RANBP2: variants seen among roughly 807,000 people sequenced by gnomAD.
The protein encoded by RANBP2 is E3 SUMO-protein ligase RanBP2.
Under a neutral mutation model 303.6 loss-of-function variants are expected in RANBP2, and 57 were observed. That is an observed-to-expected ratio of 0.19 (90% confidence interval 0.15 to 0.23). The LOEUF is 0.23. Ranked by LOEUF, RANBP2 falls within the 10% of genes least tolerant of loss-of-function variation. The pLI, the probability that RANBP2 is intolerant of heterozygous loss-of-function variation, is 1.00. For synonymous variants in RANBP2, 1,167 were observed against 1,301.5 expected, an observed-to-expected ratio of 0.90 and a Z score of 2.23; for missense variants, 3,138 against 3,780.8, an observed-to-expected ratio of 0.83 and a Z score of 4.46.
At chr2:109,724,139 G>T in the RANBP2 span, among the ~76,000 whole-genome samples, 4 of 152,244 alleles carry the variant, frequency 2.6e-5, no homozygotes, top group African/African-American at 9.6e-5. Context: ...GTCTGTTTTT[G>T]TACCAGCACC....
the RANBP2 span, among the ~76,000 whole-genome samples, chr2:109,340,711 C>T: frequency 3.8e-4 from 58 of 152,234 alleles, no homozygotes; most frequent in Non-Finnish European, 7.2e-4. Flanking sequence ...AAGCTCTTTT[C>T]GTATCATCAG....
the RANBP2 span, among the ~76,000 whole-genome samples, chr2:109,020,308 C>T: frequency 2.6e-5 from 4 of 152,134 alleles, no homozygotes; most frequent in Admixed American, 6.5e-5. Context: ...GACAAGCCAC[C>T]ACAGGCACCT....
chr2:109,126,279 A>C, the RANBP2 span, among the ~76,000 whole-genome samples: 1 of 152,156 alleles, frequency 6.6e-6, no homozygotes, highest in Non-Finnish European at 1.5e-5. Flanking sequence ...GAGAGAGAAG[A>C]AAGCTGGGAA....
the RANBP2 span, among the ~76,000 whole-genome samples, chr2:108,971,895 A>G: frequency 6.6e-6 from 1 of 152,352 alleles, no homozygotes; most frequent in Non-Finnish European, 1.5e-5. Flanking sequence ...AGGTCACCAA[A>G]GGCACTGAGC....
the RANBP2 span, among the ~76,000 whole-genome samples, chr2:109,400,573 G>GCACACACACA: frequency 2.2e-4 from 32 of 144,402 alleles, no homozygotes; most frequent in Non-Finnish European, 3.1e-4. Context: ...ACACACCTGT[G>GCACACACACA]CGCACACACA....
At chr2:109,331,008 A>AATTTT in the RANBP2 span, among the ~76,000 whole-genome samples, 1 of 152,204 alleles carries the variant, frequency 6.6e-6, no homozygotes, top group South Asian at 2.1e-4. Context: ...TCCATATAAA[A>AATTTT]AGCCAGGTGT....
chr2:109,489,578 C>T, the RANBP2 span, among the ~76,000 whole-genome samples: 3 of 152,198 alleles, frequency 2.0e-5, no homozygotes, highest in East Asian at 1.9e-4. Context: ...GCCAGGGTCC[C>T]GTGACAGAGA....
At chr2:109,473,861 C>A in the RANBP2 span, among the ~76,000 whole-genome samples, 1 of 152,030 alleles carries the variant, frequency 6.6e-6, no homozygotes, top group Non-Finnish European at 1.5e-5. Flanking sequence ...GAACCGCTCT[C>A]CTTGTGCCCC....
At chr2:109,681,150 A>T in the RANBP2 span, among the ~76,000 whole-genome samples, 7 of 152,228 alleles carry the variant, frequency 4.6e-5, no homozygotes, top group Non-Finnish European at 8.8e-5. Context: ...ACACACGGTT[A>T]GGTGGGAGGA....
the RANBP2 span, among the ~76,000 whole-genome samples, chr2:109,192,734 G>A: frequency 6.6e-6 from 1 of 152,194 alleles, no homozygotes; most frequent in Non-Finnish European, 1.5e-5. Context: ...ACTTATTTCA[G>A]TCCCTGGGGC....
the RANBP2 span, among the ~76,000 whole-genome samples, chr2:109,227,148 G>T: frequency 6.6e-6 from 1 of 152,174 alleles, no homozygotes; most frequent in African/African-American, 2.4e-5. Context: ...TGAGTGAACT[G>T]ATGGCAGTGG....
chr2:108,913,221 T>A, the RANBP2 span, among the ~76,000 whole-genome samples: 1 of 151,770 alleles, frequency 6.6e-6, no homozygotes. Context: ...AGTGCTGGGA[T>A]TACAGGCATG....
chr2:108,819,415 C>T, the RANBP2 span, among the ~76,000 whole-genome samples: 1 of 152,192 alleles, frequency 6.6e-6, no homozygotes, highest in African/African-American at 2.4e-5. Context: ...TGGTCTGCAT[C>T]TCACCTCACT....
chr2:109,615,283 A>AC, the RANBP2 span: 2 of 1,590,608 alleles, frequency 1.3e-6, no homozygotes, highest in East Asian at 2.3e-5. Context: ...GTGACGCTGG[A>AC]CCCCCTGGAG....
At chr2:108,925,098 G>A in the RANBP2 span, among the ~76,000 whole-genome samples, 2 of 152,010 alleles carry the variant, frequency 1.3e-5, no homozygotes, top group South Asian at 4.2e-4. Context: ...TCCCGCTCCT[G>A]GGCTGGGAGG....
the RANBP2 span, among the ~76,000 whole-genome samples, chr2:109,105,395 G>A: frequency 2.0e-5 from 3 of 152,102 alleles, no homozygotes; most frequent in Non-Finnish European, 4.4e-5. Flanking sequence ...CTACCTCAAG[G>A]GAAGAATCAG....
chr2:109,267,278 G>A, the RANBP2 span, among the ~76,000 whole-genome samples: 2 of 152,274 alleles, frequency 1.3e-5, no homozygotes, highest in Non-Finnish European at 2.9e-5. Flanking sequence ...CTTCCTGTTA[G>A]GTCTGTGGGA....
At chr2:108,732,165 A>G (rs1035015509) in intron 4 of RANBP2, among the ~76,000 whole-genome samples, 1 of 152,178 alleles carries the variant, frequency 6.6e-6, no homozygotes, top group African/African-American at 2.4e-5. Flanking sequence ...GCCTCCTTCT[A>G]TCCCCATTAT....
the RANBP2 span, among the ~76,000 whole-genome samples, chr2:109,053,075 C>T: frequency 6.6e-6 from 1 of 152,232 alleles, no homozygotes; most frequent in African/African-American, 2.4e-5. Context: ...TGAGGCCTTT[C>T]TCTGGAGGGT....
Sources: gnomAD v4.1 joint callset for allele counts (sites outside exome capture counted in the v4.1 genomes callset) on GRCh38, gnomAD v4.1.1 for gene constraint, MANE v1.5 for transcripts, NCBI Gene and HGNC (gene_info 2026-07-23, HGNC 2026-07-21) for gene names.